CACNA2D3: variants seen among roughly 807,000 people sequenced by gnomAD.
CACNA2D3 encodes calcium voltage-gated channel auxiliary subunit alpha2delta 3.
Under a neutral mutation model 160.6 loss-of-function variants are expected in CACNA2D3, and 60 were observed. The observed-to-expected ratio is 0.37, with a 90% CI of 0.30 to 0.46. The LOEUF is 0.46. Among genes scored for constraint, CACNA2D3 ranks in the 20% least tolerant of loss-of-function variants. The probability of loss-of-function intolerance (pLI) is 1.00; values close to 1 mark genes in which losing one functional copy is unlikely to be tolerated. For synonymous variants in CACNA2D3, 558 were observed against 492.9 expected (o/e 1.13, Z -1.75); for missense variants, 1,205 against 1,365.0 (o/e 0.88, Z 1.85).
chr3:55,072,402 C>G (rs554725930), intron 35 of CACNA2D3, among the ~76,000 whole-genome samples: 39 of 152,286 alleles, frequency 2.6e-4, no homozygotes, highest in African/African-American at 8.9e-4. Flanking sequence ...CCTTTCCCTT[C>G]TTTATAACGT....
At chr3:54,990,556 A>G (rs927640245) in intron 31 of CACNA2D3, among the ~76,000 whole-genome samples, 26 of 152,214 alleles carry the variant, frequency 1.7e-4, no homozygotes, top group African/African-American at 5.8e-4. Flanking sequence ...AGAAAGAAAG[A>G]AACAAGTTTC....
chr3:54,890,060 T>G (rs1700020684), intron 24 of CACNA2D3, among the ~76,000 whole-genome samples: 1 of 152,190 alleles, frequency 6.6e-6, no homozygotes, highest in Non-Finnish European at 1.5e-5. Flanking sequence ...CATTTTGACT[T>G]TCATCAAAGA....
intron 11 of CACNA2D3, among the ~76,000 whole-genome samples, chr3:54,676,204 G>A (rs1005671062): frequency 6.6e-6 from 1 of 152,108 alleles, no homozygotes; most frequent in African/African-American, 2.4e-5. Flanking sequence ...ATAAATCTTA[G>A]CCCCTTTCCT....
chr3:54,784,633 G>A (rs1175397847), intron 13 of CACNA2D3, among the ~76,000 whole-genome samples: 1 of 152,182 alleles, frequency 6.6e-6, no homozygotes, highest in Non-Finnish European at 1.5e-5. Context: ...ATCAAGATGT[G>A]AAAGGTGTAG....
At chr3:54,822,741 T>TCCTTC (rs1249201569) in intron 14 of CACNA2D3, among the ~76,000 whole-genome samples, 2 of 53,982 alleles carry the variant, frequency 3.7e-5, no homozygotes, top group Admixed American at 2.1e-4. Flanking sequence ...TTTCTTTCTT[T>TCCTTC]CTTTCTTTCT....
intron 21 of CACNA2D3, among the ~76,000 whole-genome samples, chr3:54,883,849 T>C (rs1273724748): frequency 8.5e-6 from 1 of 117,590 alleles, no homozygotes. Flanking sequence ...ACCCTCCTTA[T>C]CTCTTGGTCC....
At chr3:54,402,209 G>T (rs1019268569) in intron 4 of CACNA2D3, among the ~76,000 whole-genome samples, 3 of 151,298 alleles carry the variant, frequency 2.0e-5, no homozygotes, top group African/African-American at 7.3e-5. Flanking sequence ...AACAAGAGAG[G>T]GAGAAGGGAA....
chr3:54,538,823 A>T (rs1053815680), intron 5 of CACNA2D3, among the ~76,000 whole-genome samples: 9 of 152,160 alleles, frequency 5.9e-5, no homozygotes, highest in South Asian at 4.1e-4. Flanking sequence ...GCGGGACCAG[A>T]AGAGTCCATA....
At chr3:54,243,625 A>C (rs555885122) in intron 2 of CACNA2D3, among the ~76,000 whole-genome samples, 1 of 152,336 alleles carries the variant, frequency 6.6e-6, no homozygotes, top group East Asian at 1.9e-4. Flanking sequence ...AAAAGAGGAA[A>C]ATCAAACAAA....
chr3:54,840,167 G>C (rs888070085), intron 16 of CACNA2D3, among the ~76,000 whole-genome samples: 11 of 152,018 alleles, frequency 7.2e-5, no homozygotes, highest in African/African-American at 2.7e-4. Flanking sequence ...GCCACTACTT[G>C]ATACGTGTCC....
intron 9 of CACNA2D3, chr3:54,626,142 G>GA (rs1699094528): frequency 1.6e-6 from 1 of 641,728 alleles, no homozygotes; most frequent in Admixed American, 2.6e-5. Flanking sequence ...CATTTCAATA[G>GA]AAAAAGCAAG....
At chr3:55,064,787 A>G (rs1704599043) in intron 35 of CACNA2D3, among the ~76,000 whole-genome samples, 1 of 152,096 alleles carries the variant, frequency 6.6e-6, no homozygotes, top group African/African-American at 2.4e-5. Flanking sequence ...GAGCATGGCA[A>G]TGTTCAGGGA....
intron 4 of CACNA2D3, among the ~76,000 whole-genome samples, chr3:54,496,934 A>G (rs952057490): frequency 7.2e-5 from 11 of 152,156 alleles, no homozygotes; most frequent in African/African-American, 2.7e-4. Context: ...ATATATGTGC[A>G]GCTTTATTTC....
At chr3:54,539,590 C>A (rs1249980936) in intron 5 of CACNA2D3, among the ~76,000 whole-genome samples, 32 of 152,242 alleles carry the variant, frequency 2.1e-4, no homozygotes, top group Non-Finnish European at 1.5e-5. Flanking sequence ...TCATCTCAAT[C>A]TCAGTTGACC....
chr3:54,188,252 CAAACAAACAAACAAACAAAA>C (rs1309793570), intron 2 of CACNA2D3, among the ~76,000 whole-genome samples: 1 of 151,646 alleles, frequency 6.6e-6, no homozygotes, highest in Non-Finnish European at 1.5e-5. Flanking sequence ...AACAAACAAA[CAAACAAACAAACAAACAAAA>C]AAACCAGTAG....
At chr3:54,952,560 G>A (rs761671536) in intron 27 of CACNA2D3, among the ~76,000 whole-genome samples, 19 of 152,214 alleles carry the variant, frequency 1.2e-4, no homozygotes, top group Non-Finnish European at 2.5e-4. Flanking sequence ...CTTTTCTATA[G>A]GGACAGGGTC....
intron 11 of CACNA2D3, among the ~76,000 whole-genome samples, chr3:54,703,374 G>C (rs960230074): frequency 6.6e-6 from 1 of 152,052 alleles, no homozygotes; most frequent in Non-Finnish European, 1.5e-5. Context: ...AATTTTACAG[G>C]CCTAATCCTA....
At chr3:54,213,659 C>G (rs1295229650) in intron 2 of CACNA2D3, among the ~76,000 whole-genome samples, 1 of 152,174 alleles carries the variant, frequency 6.6e-6, no homozygotes, top group Admixed American at 6.5e-5. Flanking sequence ...GAGATGTGGA[C>G]CCACTGGTCT....
intron 4 of CACNA2D3, among the ~76,000 whole-genome samples, chr3:54,470,364 T>C (rs1286846483): frequency 6.6e-6 from 1 of 152,194 alleles, no homozygotes; most frequent in East Asian, 1.9e-4. Flanking sequence ...TAAAATCCTT[T>C]ACAGAGAAGC....
Sources: allele counts gnomAD v4.1 joint callset (sites outside exome capture counted in the v4.1 genomes callset), GRCh38; gene constraint gnomAD v4.1.1; transcripts MANE v1.5; gene names NCBI Gene and HGNC (gene_info 2026-07-23, HGNC 2026-07-21).